KCNQ5: variants seen among roughly 807,000 people sequenced by gnomAD.
KCNQ5 encodes the protein potassium voltage-gated channel subfamily Q member 5.
A neutral mutation model predicts 98.2 loss-of-function variants in KCNQ5; 30 were observed. That is an observed-to-expected ratio of 0.31 (90% CI 0.23 to 0.41). KCNQ5 has a LOEUF of 0.41. Ranked by LOEUF, KCNQ5 falls within the 10% of genes least tolerant of loss-of-function variation. The pLI is 1.00. For missense variants in KCNQ5, 835 were observed against 1,182.5 expected (o/e 0.71, Z 4.31); for synonymous variants, 458 against 449.4 (o/e 1.02, Z -0.24).
In KCNQ5 at chr6:72,702,616, T is replaced by C. The variant is rs80267764; in HGVS notation, c.398+80029T>C. Among the ~76,000 whole-genome samples, 1,025 of 152,336 alleles carry C rather than the reference T, an allele frequency of 6.7e-3. 7 individuals carry two copies. Among genetic ancestry groups the C allele is most frequent in the Non-Finnish European group, 8.8e-3 (599 of 68,036 alleles). ...TGCTTTAAGACTTAGCCCTGAGGAC[T>C]GTGAAGCATCAGATAAGTTGTGATG... On this transcript the variant is annotated intron_variant, in intron 1 of 13. Coordinates refer to ENST00000370398, the MANE Select transcript of KCNQ5 (RefSeq NM_019842.4).
intron 1 of KCNQ5, among the ~76,000 whole-genome samples, chr6:72,639,281 T>C (rs1015416483): frequency 5.3e-5 from 8 of 152,090 alleles, no homozygotes; most frequent in Non-Finnish European, 1.0e-4. Flanking sequence ...TGCAATGGGA[T>C]AAAAGTATTA....
rs1033247239 is a variant in KCNQ5, at chr6:72,723,505, A to T, written c.398+100918A>T. Among the ~76,000 whole-genome samples, 5 of 152,326 alleles carry T rather than the reference A, an allele frequency of 3.3e-5. No individual in the cohort carries two copies. The East Asian group carries it at 9.6e-4, about 29-fold the overall frequency. On this transcript the variant is annotated intron_variant, in intron 1 of 13. Coordinates refer to ENST00000370398, the MANE Select transcript of KCNQ5 (RefSeq NM_019842.4). The stretch of plus-strand genomic sequence containing the variant: ...CTAATATTTAATGTTATGCTTTGCT[A>T]TCATATGCGTTATAGGATATAAATC...
At chr6:72,738,989 T>G (rs1016267886) in intron 1 of KCNQ5, among the ~76,000 whole-genome samples, 6 of 152,162 alleles carry the variant, frequency 3.9e-5, no homozygotes, top group African/African-American at 1.4e-4. Context: ...TGTTATACAT[T>G]TGTCAAAACC....
intron 1 of KCNQ5, among the ~76,000 whole-genome samples, chr6:72,965,304 G>A (rs1326824358): frequency 2.0e-5 from 3 of 152,140 alleles, no homozygotes; most frequent in Non-Finnish European, 2.9e-5. Flanking sequence ...ATTAAATAAC[G>A]TATCATTAAA....
At chr6:73,002,422 A>G (rs1439330604) in intron 1 of KCNQ5, among the ~76,000 whole-genome samples, 1 of 152,186 alleles carries the variant, frequency 6.6e-6, no homozygotes, top group Non-Finnish European at 1.5e-5. Flanking sequence ...CAGTTTTCAT[A>G]TCTGTAAAAT....
At chr6:72,980,102 G>C (rs1768363047) in intron 1 of KCNQ5, among the ~76,000 whole-genome samples, 1 of 152,172 alleles carries the variant, frequency 6.6e-6, no homozygotes, top group African/African-American at 2.4e-5. Flanking sequence ...TTTCAAGCCA[G>C]GTAGCATCAT....
intron 1 of KCNQ5, among the ~76,000 whole-genome samples, chr6:72,692,865 G>A (rs1421320184): frequency 6.6e-6 from 1 of 152,152 alleles, no homozygotes; most frequent in Non-Finnish European, 1.5e-5. Context: ...AGTATGTAAA[G>A]ACATACTGTA....
intron 1 of KCNQ5, among the ~76,000 whole-genome samples, chr6:72,699,058 A>C (rs997901470): frequency 5.3e-5 from 8 of 152,158 alleles, no homozygotes; most frequent in African/African-American, 1.9e-4. Flanking sequence ...TTCTTGTTGG[A>C]AGTGCCAGAA....
At chr6:73,134,108 C>T in intron 10 of KCNQ5, 1 of 393,778 alleles carries the variant, frequency 2.5e-6, no homozygotes, top group Non-Finnish European at 5.1e-6. Context: ...CTCCATCTAC[C>T]AGCAAATCAG....
intron 5 of KCNQ5, 131 bp from the exon 6 acceptor site, chr6:73,105,126 C>T: frequency 3.9e-6 from 2 of 514,244 alleles, no homozygotes; most frequent in Admixed American, 6.4e-5. Flanking sequence ...AAAATTAAAG[C>T]ACAGTAATAA....
At chr6:72,987,378 G>A (rs532776984) in intron 1 of KCNQ5, 3 of 718,344 alleles carry the variant, frequency 4.2e-6, no homozygotes, top group African/African-American at 3.3e-5. Context: ...TCGAGAGTCA[G>A]GCAAAACGGA....
chr6:72,920,163 A>T (rs117419568), intron 1 of KCNQ5, among the ~76,000 whole-genome samples: 6,933 of 152,176 alleles, frequency 0.046, 229 homozygotes, highest in Middle Eastern at 0.075. Context: ...CTAGCCAAGC[A>T]GGTGCCTCTG....
At chr6:72,689,516 T>G (rs1768109216) in intron 1 of KCNQ5, among the ~76,000 whole-genome samples, 1 of 152,170 alleles carries the variant, frequency 6.6e-6, no homozygotes, top group South Asian at 2.1e-4. Flanking sequence ...TAAAACACAT[T>G]TGTGAGAGAC....
chr6:73,056,844 A>G (rs1772524026), intron 3 of KCNQ5, among the ~76,000 whole-genome samples: 1 of 152,192 alleles, frequency 6.6e-6, no homozygotes, highest in Non-Finnish European at 1.5e-5. Flanking sequence ...GCTGGAGAGG[A>G]TGTGGAGAAA....
At chr6:72,710,438 T>C (rs937629969) in intron 1 of KCNQ5, among the ~76,000 whole-genome samples, 1 of 152,270 alleles carries the variant, frequency 6.6e-6, no homozygotes, top group East Asian at 1.9e-4. Context: ...GTATGCTGCC[T>C]ACAAGAGACT....
intron 10 of KCNQ5, among the ~76,000 whole-genome samples, chr6:73,158,644 G>A (rs2150490836): frequency 6.6e-6 from 1 of 151,766 alleles, no homozygotes; most frequent in South Asian, 2.1e-4. Flanking sequence ...TTTTTGTGAT[G>A]GAAAAATTCT....
chr6:72,716,675 A>G (rs1480397556), intron 1 of KCNQ5, among the ~76,000 whole-genome samples: 2 of 152,172 alleles, frequency 1.3e-5, no homozygotes, highest in East Asian at 1.9e-4. Context: ...ATTACTATCT[A>G]TTAAGTGGAT....
At chr6:72,878,229 C>T (rs111549718) in intron 1 of KCNQ5, among the ~76,000 whole-genome samples, 40,388 of 151,986 alleles carry the variant, frequency 0.27, 5,522 homozygotes, top group Non-Finnish European at 0.29. Context: ...GAGATTGCGC[C>T]ACTGCACTCC....
intron 1 of KCNQ5, among the ~76,000 whole-genome samples, chr6:72,637,010 A>G: frequency 6.6e-6 from 1 of 151,916 alleles, no homozygotes; most frequent in East Asian, 1.9e-4. Context: ...CGTTCTGCTC[A>G]GGGCATTCCC....
Sources: gnomAD v4.1 joint callset for allele counts (sites outside exome capture counted in the v4.1 genomes callset) on GRCh38, gnomAD v4.1.1 for gene constraint, MANE v1.5 for transcripts, NCBI Gene and HGNC (gene_info 2026-07-23, HGNC 2026-07-21) for gene names.